METTL2B: variants seen among roughly 807,000 people sequenced by gnomAD.
METTL2B encodes methyltransferase 2B, tRNA N3-cytidine.
A neutral mutation model predicts 51.0 loss-of-function variants in METTL2B; 28 were observed. The ratio of observed to expected loss-of-function variants is 0.55; its 90% CI spans 0.41 to 0.75. The LOEUF is 0.75. Among genes scored for constraint, METTL2B ranks in the 30% least tolerant of loss-of-function variants. The pLI is 0.00. For missense variants in METTL2B, 313 were observed against 460.7 expected (o/e 0.68, Z 2.93); for synonymous variants, 128 against 166.3 (o/e 0.77, Z 1.77).
intron 8 of METTL2B, chr7:128,501,398 TC>T (rs778924712): frequency 1.0e-5 from 10 of 985,320 alleles, no homozygotes; most frequent in Non-Finnish European, 1.1e-5. Flanking sequence ...GGCCTTCTGT[TC>T]CTGGGCCCTT....
At chr7:128,494,829 T>C (rs1792895174) in intron 6 of METTL2B, among the ~76,000 whole-genome samples, 1 of 151,512 alleles carries the variant, frequency 6.6e-6, no homozygotes, top group South Asian at 2.1e-4. Context: ...GGTTTCACCA[T>C]GTTGGCCAGG....
rs143660160 is a variant in METTL2B at position 128,478,153 on chromosome 7, C to T, written c.202+980C>T. Among the ~76,000 whole-genome samples the T allele has an allele frequency of 7.6e-3, 1,162 of 152,062 alleles. 14 individuals are homozygous for T. Among genetic ancestry groups the T allele is most frequent in the African/African-American group, 0.027 (1,111 of 41,440 alleles). ...ATTTGTTAGGTTTTTATTCTTTCTA[C>T]TACACTAGTCAAGGCCCCCTGAACT... On this transcript the variant is annotated intron_variant, in intron 2 of 8. Transcript: ENST00000262432.
chr7:128,485,421 T>C (rs1419047589), intron 4 of METTL2B, among the ~76,000 whole-genome samples: 1 of 152,102 alleles, frequency 6.6e-6, no homozygotes, highest in Non-Finnish European at 1.5e-5. Context: ...CCCAGCACTT[T>C]GGGAGGCCGA....
chr7:128,478,729 G>A (rs1157370529), intron 2 of METTL2B, among the ~76,000 whole-genome samples: 1 of 56,028 alleles, frequency 1.8e-5, no homozygotes, highest in Admixed American at 2.0e-4. Context: ...AGCCGGGCGT[G>A]GTCGTGGGCC....
chr7:128,477,026 C>T (rs1280248300), intron 1 of METTL2B, 56 bp from the exon 2 acceptor site: 2 of 1,590,830 alleles, frequency 1.3e-6, no homozygotes, highest in African/African-American at 1.4e-5. Context: ...GCCAGCGACT[C>T]ACCCTGCTCG....
rs1046885944 is a variant in METTL2B, at chr7:128,504,750, A to T, written c.*2834A>T. The T allele has an allele frequency of 5.3e-5, 8 of 150,244 alleles. No individual in the cohort carries two copies. Among genetic ancestry groups the T allele is most frequent in the Non-Finnish European group, 1.2e-4 (8 of 67,286 alleles). 9.3% of individuals were successfully genotyped at this position (150,244 alleles called of 1,614,324 possible). A position where few individuals can be genotyped will look rare whatever the true frequency, so the allele number is the denominator to read the frequency against. On this transcript the variant is annotated 3_prime_UTR_variant, in exon 9 of 9. Coordinates refer to ENST00000262432, the MANE Select transcript of METTL2B (RefSeq NM_018396.3). Reference sequence around the variant, plus strand: ...TTTGGGAGGCCGAGGTGGGCGGATCATTTGAGGTCAGGAGTTCGAGACCAG... The same window carrying T: ...TTTGGGAGGCCGAGGTGGGCGGATCTTTTGAGGTCAGGAGTTCGAGACCAG...
intron 5 of METTL2B, among the ~76,000 whole-genome samples, chr7:128,489,525 T>A (rs895981724): frequency 9.9e-5 from 15 of 152,022 alleles, no homozygotes; most frequent in African/African-American, 3.6e-4. Flanking sequence ...TAATCTTTGC[T>A]AGTGGAGGGT....
chr7:128,487,973 A>G (rs911353851), intron 4 of METTL2B, 128 bp from the exon 5 acceptor site: 9 of 1,132,994 alleles, frequency 7.9e-6, no homozygotes, highest in Admixed American at 4.8e-5. Flanking sequence ...TGTTGTGACT[A>G]ATAGATACAG....
intron 6 of METTL2B, 116 bp from the exon 7 acceptor site, chr7:128,497,920 C>T: frequency 1.0e-6 from 1 of 991,684 alleles, no homozygotes; most frequent in Non-Finnish European, 1.5e-6. Flanking sequence ...GAGCTTAGAT[C>T]TCAGACTTGG....
chr7:128,501,303 G>A, intron 8 of METTL2B: 1 of 985,440 alleles, frequency 1.0e-6, no homozygotes, highest in South Asian at 4.7e-5. Flanking sequence ...GGTGTGCCTG[G>A]GTCAGGGTGA....
chr7:128,496,979 C>T (rs558323579), intron 6 of METTL2B, among the ~76,000 whole-genome samples: 99 of 152,256 alleles, frequency 6.5e-4, no homozygotes, highest in African/African-American at 2.4e-3. Context: ...GACAGGGTTT[C>T]ACCATGTTGG....
Position 128,501,709 on chromosome 7 carries a change from A to G in METTL2B, c.983-53A>G. 3 of 1,603,822 alleles carry G rather than the reference A, an allele frequency of 1.9e-6. No individual in the cohort carries two copies. In the South Asian group the frequency reaches 3.3e-5, roughly 18 times the overall value. On this transcript the variant is annotated intron_variant, in intron 8 of 8. Transcript: ENST00000262432. ...ATTTAACAAGGACTTAGTAGATAAAAATGCCTTTTCTTGAGGGGAAAATGC... is the reference window on the plus strand; with the variant it reads ...ATTTAACAAGGACTTAGTAGATAAAGATGCCTTTTCTTGAGGGGAAAATGC...
rs1793105707 is a variant in METTL2B, at chr7:128,505,257, CT to C, written c.*3342del. On this transcript the variant is annotated 3_prime_UTR_variant, in exon 9 of 9. Transcript: ENST00000262432. ...CACTCCAGCCTGGGCAACAGTGAGA[CT>C]CCGTCTCAAAATAAAAAAACAAAAA... The C allele has an allele frequency of 6.6e-6, 1 of 152,080 alleles. No homozygotes were observed. Among genetic ancestry groups the C allele is most frequent in the Non-Finnish European group, 1.5e-5 (1 of 68,068 alleles). The allele number at this position is 152,080 out of a possible 1,614,324, so 9.4% of individuals were successfully genotyped here. A position where few individuals can be genotyped will look rare whatever the true frequency, so the allele number is the denominator to read the frequency against.
chr7:128,501,383 A>T (rs1234085516), intron 8 of METTL2B: 2 of 985,244 alleles, frequency 2.0e-6, no homozygotes, highest in African/African-American at 3.5e-5. Flanking sequence ...TTCATCCTTC[A>T]CTTGGGCCTT....
chr7:128,496,711 A>G (rs948966610), intron 6 of METTL2B, among the ~76,000 whole-genome samples: 1 of 152,192 alleles, frequency 6.6e-6, no homozygotes, highest in African/African-American at 2.4e-5. Flanking sequence ...ACTTGAGCCC[A>G]AGAGTCCAGC....
intron 4 of METTL2B, among the ~76,000 whole-genome samples, chr7:128,486,503 G>A (rs1241734970): frequency 2.0e-5 from 3 of 151,568 alleles, no homozygotes; most frequent in African/African-American, 4.9e-5. Flanking sequence ...AGGAGGCTGA[G>A]GTGGGAGAAT....
At chr7:128,493,599 C>T (rs1792873660) in intron 5 of METTL2B, among the ~76,000 whole-genome samples, 3 of 152,072 alleles carry the variant, frequency 2.0e-5, no homozygotes, top group Non-Finnish European at 4.4e-5. Context: ...GAGGGTGAGG[C>T]AAGTGATCCT....
chr7:128,477,365 G>A (rs1799816052), intron 2 of METTL2B, among the ~76,000 whole-genome samples, 192 bp downstream of exon 2: 1 of 152,164 alleles, frequency 6.6e-6, no homozygotes, highest in Admixed American at 6.5e-5. Flanking sequence ...ATCTTAAGTC[G>A]TAGAGGGTTT....
At chr7:128,494,009 T>A (rs886334736) in intron 6 of METTL2B, 66 bp downstream of exon 6, 31 of 1,561,100 alleles carry the variant, frequency 2.0e-5, no homozygotes, top group Admixed American at 9.6e-5. Flanking sequence ...CCTTTTTTTT[T>A]AAAATAGGGT....
Sources: allele counts gnomAD v4.1 joint callset (sites outside exome capture counted in the v4.1 genomes callset), GRCh38; gene constraint gnomAD v4.1.1; transcripts MANE v1.5; gene names NCBI Gene and HGNC (gene_info 2026-07-23, HGNC 2026-07-21).